The following RBM38 variants were observed in gnomAD, a reference collection of about 807,000 sequenced individuals.
RBM38 encodes the protein RNA binding motif protein 38, also known as RNA-binding protein 38.
RBM38 carries 11 observed loss-of-function variants against 23.5 expected under a neutral mutation model. That is an observed-to-expected ratio of 0.47 (90% CI 0.29 to 0.77). RBM38 has a LOEUF of 0.77. RBM38 is among the 30% of genes least tolerant of loss of function. The pLI is 0.08. For missense variants in RBM38, 330 were observed against 351.9 expected (o/e 0.94, Z 0.50); for synonymous variants, 165 against 166.1 (o/e 0.99, Z 0.05).
chr20:57,401,171 C>G (rs2067324488), intron 3 of RBM38, among the ~76,000 whole-genome samples: 1 of 152,210 alleles, frequency 6.6e-6, no homozygotes, highest in Admixed American at 6.5e-5. Flanking sequence ...GGGCCTCTGT[C>G]CCTCCCAGCA....
rs2067416009 is a variant in RBM38 at position 57,408,861 on chromosome 20, G to A, written c.*1015G>A. 6.5e-6 allele frequency: 1 copy of A among 152,712 alleles called. No individual in the cohort carries two copies. The highest frequency in any genetic ancestry group is 1.5e-5 in the Non-Finnish European group (1 of 68,074). The allele number at this position is 152,712 out of a possible 1,614,324, so 9.5% of individuals were successfully genotyped here. On this transcript the variant is annotated 3_prime_UTR_variant, in exon 4 of 4. Transcript: ENST00000356208. ...CCCCAAACACTGTGGAAGGGGAGAAGGAAGTGATCCACAGCATTCAGGCCA... is the reference window on the plus strand; with the variant it reads ...CCCCAAACACTGTGGAAGGGGAGAAAGAAGTGATCCACAGCATTCAGGCCA...
At chr20:57,399,326 T>C (rs1347165174) in intron 3 of RBM38, among the ~76,000 whole-genome samples, 1 of 152,222 alleles carries the variant, frequency 6.6e-6, no homozygotes, top group Non-Finnish European at 1.5e-5. Flanking sequence ...GCTGCTGGGT[T>C]GAGCCTGGAC....
chr20:57,399,806 C>T (rs1227862351), intron 3 of RBM38: 4 of 446,912 alleles, frequency 9.0e-6, no homozygotes, highest in African/African-American at 6.0e-5. Context: ...CCTTCCCACA[C>T]CCAGCCAGGC....
In RBM38 at chr20:57,408,097, C is replaced by G. The variant is rs1159316937; in HGVS notation, c.*251C>G. 3.5e-6 allele frequency: 2 copies of G among 565,804 alleles called. No homozygotes were observed. The highest frequency in any genetic ancestry group is 6.0e-5 in the East Asian group (2 of 33,282). 35.0% of individuals were successfully genotyped at this position (565,804 alleles called of 1,614,324 possible). A position where few individuals can be genotyped will look rare whatever the true frequency, so the allele number is the denominator to read the frequency against. ...CTGAGAACTATTTAAAGACGCAATC[C>G]CAGGTTCCTTGCACACCATGGCAGC... is the stretch of plus-strand genomic sequence containing the variant. On this transcript the variant is annotated 3_prime_UTR_variant, in exon 4 of 4. Coordinates refer to ENST00000356208, the MANE Select transcript of RBM38 (RefSeq NM_017495.6).
At chr20:57,402,284 G>A (rs1016068916) in intron 3 of RBM38, among the ~76,000 whole-genome samples, 3 of 152,202 alleles carry the variant, frequency 2.0e-5, no homozygotes, top group Admixed American at 6.5e-5. Context: ...TTCAGGGATG[G>A]AGGCAGGTCT....
chr20:57,394,444 G>A (rs1445657410), intron 3 of RBM38, among the ~76,000 whole-genome samples: 2 of 152,138 alleles, frequency 1.3e-5, no homozygotes, highest in Non-Finnish European at 2.9e-5. Flanking sequence ...GCCGGCTTCC[G>A]TGTGTATTGG....
intron 3 of RBM38, among the ~76,000 whole-genome samples, chr20:57,397,993 C>T (rs2067291748): frequency 1.3e-5 from 2 of 152,280 alleles, no homozygotes; most frequent in South Asian, 4.1e-4. Flanking sequence ...TGTAACTACA[C>T]ATGACATGTA....
At position 57,402,377 on chromosome 20, in the gene RBM38, G is replaced by A. The variant is rs73293823; in HGVS notation, c.417-5166G>A. ...GGAGAGGGAGGATCGGAGAATTGAGGGATGGAAGCAGGGAGCTCCCTGTTG... is the reference window on the plus strand; with the variant it reads ...GGAGAGGGAGGATCGGAGAATTGAGAGATGGAAGCAGGGAGCTCCCTGTTG... On this transcript the variant is annotated intron_variant, in intron 3 of 3. Coordinates refer to ENST00000356208, the MANE Select transcript of RBM38 (RefSeq NM_017495.6). Among the ~76,000 whole-genome samples the A allele has an allele frequency of 7.8e-3, 1,182 of 152,342 alleles. 16 individuals carry two copies. Among genetic ancestry groups the A allele is most frequent in the African/African-American group, 0.027 (1,112 of 41,582 alleles).
At chr20:57,393,701 T>C (rs905221902) in intron 3 of RBM38, among the ~76,000 whole-genome samples, 14 of 152,216 alleles carry the variant, frequency 9.2e-5, no homozygotes, top group African/African-American at 2.9e-4. Context: ...TGCTGATGAC[T>C]CTTAGGGACT....
intron 2 of RBM38, 200 bp downstream of exon 2, chr20:57,392,977 CG>C (rs1467524719): frequency 3.8e-6 from 3 of 779,870 alleles, no homozygotes; most frequent in East Asian, 2.7e-5. Context: ...AAGAAGGGGG[CG>C]GGGGGCAGGG....
Position 57,395,336 on chromosome 20 carries a change from G to A in RBM38, c.416+2003G>A, listed in dbSNP as rs185041564. Among the ~76,000 whole-genome samples the A allele has an allele frequency of 1.7e-3, 262 of 152,258 alleles. 5 individuals are homozygous for A. Among genetic ancestry groups the A allele is most frequent in the Admixed American group, 0.015 (236 of 15,298 alleles). On this transcript the variant is annotated intron_variant, in intron 3 of 3. Coordinates refer to ENST00000356208, the MANE Select transcript of RBM38 (RefSeq NM_017495.6). Reference sequence around the variant, plus strand: ...AACGCATGCTTTCTTGGTGGGGGACGGTGGGAAGGGCCCTGGCCCGACCTT... The same window carrying A: ...AACGCATGCTTTCTTGGTGGGGGACAGTGGGAAGGGCCCTGGCCCGACCTT...
chr20:57,399,340 C>T (rs926942615), intron 3 of RBM38, among the ~76,000 whole-genome samples: 2 of 152,106 alleles, frequency 1.3e-5, no homozygotes, highest in Non-Finnish European at 2.9e-5. Flanking sequence ...CCTGGACTGC[C>T]GAGGGTATTG....
At chr20:57,402,598 T>C (rs11907421) in intron 3 of RBM38, among the ~76,000 whole-genome samples, 14,164 of 152,014 alleles carry the variant, frequency 0.093, 2,081 homozygotes, top group African/African-American at 0.32. Context: ...TGTGCCCTTG[T>C]GTGCAGAGGC....
chr20:57,392,435 C>T lies in RBM38; in HGVS notation c.238-219C>T, dbSNP rs1346305245. On this transcript the variant is annotated intron_variant, in intron 1 of 3. Transcript: ENST00000356208. ...TCCTTGAAGGCCACATTTCCCAGGC[C>T]TTGAACTTTGACGGGAGGAGCTGGA... is the stretch of plus-strand genomic sequence containing the variant. The T allele has an allele frequency of 3.3e-6, 5 of 1,530,538 alleles. No homozygotes were observed. The African/African-American group carries it at 4.1e-5, about 13-fold the overall frequency. The allele number at this position is 1,530,538 out of a possible 1,614,324, so 94.8% of individuals were successfully genotyped here. A position where few individuals can be genotyped will look rare whatever the true frequency, so the allele number is the denominator to read the frequency against.
chr20:57,402,868 C>A (rs746850416), intron 3 of RBM38, among the ~76,000 whole-genome samples: 2 of 152,274 alleles, frequency 1.3e-5, no homozygotes, highest in African/African-American at 4.8e-5. Context: ...TTTGTGGCCG[C>A]CCGGCGTGGG....
intron 3 of RBM38, among the ~76,000 whole-genome samples, chr20:57,406,789 C>G (rs1232610497): frequency 6.6e-6 from 1 of 151,970 alleles, no homozygotes; most frequent in African/African-American, 2.4e-5. Context: ...GTCAGGAGAT[C>G]GGGACCATCC....
intron 3 of RBM38, among the ~76,000 whole-genome samples, chr20:57,401,124 G>T (rs1159624264): frequency 1.3e-5 from 2 of 152,210 alleles, no homozygotes; most frequent in African/African-American, 4.8e-5. Context: ...CTTGGCTGCT[G>T]CCCCCTGACC....
intron 3 of RBM38, among the ~76,000 whole-genome samples, chr20:57,403,960 C>T (rs1275418240): frequency 1.3e-5 from 2 of 152,224 alleles, no homozygotes; most frequent in African/African-American, 4.8e-5. Flanking sequence ...ATCCCAGGCC[C>T]TTTACGTACA....
In RBM38 at chr20:57,408,459, A is replaced by G. The variant is rs1394906265; in HGVS notation, c.*613A>G. On this transcript the variant is annotated 3_prime_UTR_variant, in exon 4 of 4. Transcript: ENST00000356208. ...GCCGGTAACAGGGGCCGCCGGCCAAAGGCCCCTTTCCAGTCATAGCACTGA... is the reference window on the plus strand; with the variant it reads ...GCCGGTAACAGGGGCCGCCGGCCAAGGGCCCCTTTCCAGTCATAGCACTGA... 1 of 154,442 alleles carries G rather than the reference A, an allele frequency of 6.5e-6. No individual in the cohort carries two copies. The highest frequency in any genetic ancestry group is 1.4e-5 in the Non-Finnish European group (1 of 69,446). 9.6% of individuals were successfully genotyped at this position (154,442 alleles called of 1,614,324 possible). A position where few individuals can be genotyped will look rare whatever the true frequency, so the allele number is the denominator to read the frequency against.
Sources: gnomAD v4.1 joint callset for allele counts (sites outside exome capture counted in the v4.1 genomes callset) on GRCh38, gnomAD v4.1.1 for gene constraint, MANE v1.5 for transcripts, NCBI Gene and HGNC (gene_info 2026-07-23, HGNC 2026-07-21) for gene names.